Variants in ADAMTSL1 observed in about 807,000 individuals in gnomAD.
ADAMTSL1 encodes the protein ADAMTS like 1, also known as ADAMTS-like protein 1.
ADAMTSL1 carries 126 observed loss-of-function variants against 201.8 expected under a neutral mutation model. The observed-to-expected ratio is 0.62, with a 90% CI of 0.54 to 0.72. The LOEUF (loss-of-function observed/expected upper bound fraction) is 0.72, where lower values mean the gene tolerates loss of function less well. Among genes scored for constraint, ADAMTSL1 ranks in the 30% least tolerant of loss-of-function variants. ADAMTSL1 has a pLI of 0.00. For missense variants in ADAMTSL1, 2,679 were observed against 2,277.8 expected (o/e 1.18, Z -3.59); for synonymous variants, 1,121 against 903.4 (o/e 1.24, Z -4.32).
chr9:18,286,037 C>G (rs1021232094), intron 2 of ADAMTSL1, among the ~76,000 whole-genome samples: 1 of 151,864 alleles, frequency 6.6e-6, no homozygotes, highest in Admixed American at 6.6e-5. Flanking sequence ...GTTACTTTCT[C>G]TCTCTCTCTC....
intron 5 of ADAMTSL1, among the ~76,000 whole-genome samples, chr9:18,631,026 G>A (rs376015475): frequency 1.1e-4 from 17 of 152,122 alleles, no homozygotes; most frequent in Non-Finnish European, 2.2e-4. Flanking sequence ...TGTAGGCAAC[G>A]GTATCTATGT....
intron 9 of ADAMTSL1, among the ~76,000 whole-genome samples, chr9:18,671,235 G>T (rs1353835829): frequency 6.6e-6 from 1 of 152,200 alleles, no homozygotes. Flanking sequence ...AGAAGAAGGA[G>T]AGCGAATTTC....
chr9:18,559,715 G>T (rs1821349731), intron 3 of ADAMTSL1, among the ~76,000 whole-genome samples: 2 of 152,082 alleles, frequency 1.3e-5, no homozygotes, highest in Non-Finnish European at 2.9e-5. Context: ...CTTTGAAGAG[G>T]TTCTTCACAT....
intron 2 of ADAMTSL1, among the ~76,000 whole-genome samples, chr9:18,430,393 C>A (rs1448695393): frequency 6.6e-6 from 1 of 152,170 alleles, no homozygotes; most frequent in Non-Finnish European, 1.5e-5. Context: ...TCTTTTCTTA[C>A]TTATATTAGA....
upstream of ADAMTSL1, among the ~76,000 whole-genome samples, chr9:18,472,382 T>C (rs2064013221): frequency 6.6e-6 from 1 of 152,244 alleles, no homozygotes; most frequent in African/African-American, 2.4e-5. Context: ...CAAATCTTTC[T>C]AAAAGGGAAA....
intron 2 of ADAMTSL1, among the ~76,000 whole-genome samples, chr9:18,256,331 G>C (rs1831685415): frequency 6.6e-6 from 1 of 152,162 alleles, no homozygotes; most frequent in Admixed American, 6.5e-5. Context: ...GCAATAGGTT[G>C]GTTGCAATAA....
intron 15 of ADAMTSL1, among the ~76,000 whole-genome samples, chr9:18,730,784 G>C (rs901250346): frequency 6.6e-5 from 10 of 152,190 alleles, no homozygotes; most frequent in African/African-American, 2.4e-4. Flanking sequence ...ACAGACACAG[G>C]CCGTGGGCTG....
At chr9:18,177,226 A>G (rs1343255218) in intron 2 of ADAMTSL1, among the ~76,000 whole-genome samples, 1 of 152,194 alleles carries the variant, frequency 6.6e-6, no homozygotes, top group African/African-American at 2.4e-5. Context: ...GAATGAATGA[A>G]TGCATGTGTG....
chr9:18,127,013 T>G (rs1825759062), intron 1 of ADAMTSL1, among the ~76,000 whole-genome samples: 2 of 152,252 alleles, frequency 1.3e-5, no homozygotes, highest in South Asian at 2.1e-4. Flanking sequence ...CCAAACTGTG[T>G]GTCCGTCAAG....
chr9:18,749,793 T>C (rs908611561), intron 15 of ADAMTSL1, among the ~76,000 whole-genome samples: 2 of 152,252 alleles, frequency 1.3e-5, no homozygotes, highest in Admixed American at 6.5e-5. Flanking sequence ...GTCCTTAATA[T>C]ACAGACAGCT....
At position 18,225,350 on chromosome 9, in the gene ADAMTSL1, G is replaced by C. The variant is rs560829543; in HGVS notation, c.207+61369G>C. Among the ~76,000 whole-genome samples, 4 of 152,220 alleles carry C rather than the reference G, an allele frequency of 2.6e-5. No homozygotes were observed. In the South Asian group the frequency reaches 8.3e-4, roughly 32 times the overall value. On this transcript the variant is annotated intron_variant, in intron 2 of 29. Transcript: ENST00000680146. ...TTAGACATAAAGTAAAAGTGCACTC[G>C]TGGAGATCCCACTGGGTTATGATTT...
At chr9:18,815,378 TAAAAAA>T (rs899938560) in intron 20 of ADAMTSL1, among the ~76,000 whole-genome samples, 2 of 142,136 alleles carry the variant, frequency 1.4e-5, no homozygotes, top group Admixed American at 7.1e-5. Context: ...TTTCCACCAT[TAAAAAA>T]AAAAAAGAAA....
At chr9:18,039,564 C>T (rs1349023890) in intron 1 of ADAMTSL1, among the ~76,000 whole-genome samples, 1 of 152,068 alleles carries the variant, frequency 6.6e-6, no homozygotes, top group Admixed American at 6.6e-5. Context: ...ACATTTTTCA[C>T]AAGGAGCTTT....
At chr9:18,028,973 T>C (rs1397258568) in intron 1 of ADAMTSL1, among the ~76,000 whole-genome samples, 7 of 152,300 alleles carry the variant, frequency 4.6e-5, no homozygotes, top group Non-Finnish European at 5.9e-5. Flanking sequence ...AAGAGGTCCT[T>C]CACATCCCTT....
intron 1 of ADAMTSL1, among the ~76,000 whole-genome samples, chr9:18,015,709 C>G (rs1563950161): frequency 6.6e-6 from 1 of 151,990 alleles, no homozygotes; most frequent in Non-Finnish European, 1.5e-5. Context: ...CTGCCTGACC[C>G]TAAGCTTCTT....
intron 15 of ADAMTSL1, among the ~76,000 whole-genome samples, chr9:18,738,499 A>T (rs1254385345): frequency 1.3e-5 from 2 of 152,224 alleles, no homozygotes; most frequent in Non-Finnish European, 2.9e-5. Flanking sequence ...GTCAAGAAAT[A>T]GGAATTCAGC....
chr9:17,983,726 G>T (rs1818815064), intron 1 of ADAMTSL1, among the ~76,000 whole-genome samples: 1 of 152,058 alleles, frequency 6.6e-6, no homozygotes, highest in Non-Finnish European at 1.5e-5. Context: ...TAACTTGAGA[G>T]ACACAATATT....
intron 2 of ADAMTSL1, among the ~76,000 whole-genome samples, chr9:18,389,065 T>A (rs1837934353): frequency 6.6e-6 from 1 of 152,168 alleles, no homozygotes; most frequent in South Asian, 2.1e-4. Context: ...CTAATAGCAT[T>A]GAATTTTAAC....
chr9:18,512,906 T>C (rs1217799092), intron 2 of ADAMTSL1, among the ~76,000 whole-genome samples: 2 of 152,210 alleles, frequency 1.3e-5, no homozygotes, highest in East Asian at 1.9e-4. Context: ...ATTTTATTTC[T>C]TCAATCTGTG....
Sources: gnomAD v4.1 joint callset for allele counts (sites outside exome capture counted in the v4.1 genomes callset) on GRCh38, gnomAD v4.1.1 for gene constraint, MANE v1.5 for transcripts, NCBI Gene and HGNC (gene_info 2026-07-23, HGNC 2026-07-21) for gene names.